Variants in RGS7 observed in about 807,000 individuals in gnomAD.
RGS7 encodes regulator of G protein signaling 7.
RGS7 carries 27 observed loss-of-function variants against 81.1 expected under a neutral mutation model. The ratio of observed to expected loss-of-function variants is 0.33; its 90% confidence interval spans 0.25 to 0.46. RGS7 has a LOEUF of 0.46. Ranked by LOEUF, RGS7 falls within the 20% of genes least tolerant of loss-of-function variation. The probability of loss-of-function intolerance (pLI) is 1.00; values close to 1 mark genes in which losing one functional copy is unlikely to be tolerated. For missense variants in RGS7, 396 were observed against 607.4 expected, an observed-to-expected ratio of 0.65 and a Z score of 3.66; for synonymous variants, 208 against 207.7, an observed-to-expected ratio of 1.00 and a Z score of -0.01.
At chr1:241,066,923 G>T (rs1481035369) in intron 3 of RGS7, among the ~76,000 whole-genome samples, 1 of 152,186 alleles carries the variant, frequency 6.6e-6, no homozygotes, top group Non-Finnish European at 1.5e-5. Flanking sequence ...ACTTATAGTG[G>T]AAAGAGAGGA....
chr1:241,133,704 A>G (rs1036266018), intron 2 of RGS7, among the ~76,000 whole-genome samples: 1 of 152,182 alleles, frequency 6.6e-6, no homozygotes, highest in Non-Finnish European at 1.5e-5. Flanking sequence ...CACAGTAGCA[A>G]CAAGCAAATT....
At chr1:240,943,905 T>A (rs1678029016) in intron 4 of RGS7, among the ~76,000 whole-genome samples, 1 of 151,982 alleles carries the variant, frequency 6.6e-6, no homozygotes, top group African/African-American at 2.4e-5. Flanking sequence ...GCAATCAGAA[T>A]GGGAGATGAA....
chr1:241,253,164 T>C (rs2076910982), intron 2 of RGS7, among the ~76,000 whole-genome samples: 1 of 152,222 alleles, frequency 6.6e-6, no homozygotes, highest in South Asian at 2.1e-4. Context: ...CACATAATAC[T>C]GTTGACAGAT....
intron 2 of RGS7, among the ~76,000 whole-genome samples, chr1:241,156,132 TGATA>T (rs72097170): frequency 0.32 from 47,288 of 146,832 alleles, 9,010 homozygotes; most frequent in South Asian, 0.43. Flanking sequence ...AGATAAATGA[TGATA>T]GATAGATAGA....
chr1:241,259,516 G>C (rs2077205370), intron 2 of RGS7, among the ~76,000 whole-genome samples: 1 of 151,000 alleles, frequency 6.6e-6, no homozygotes, highest in Admixed American at 6.6e-5. Flanking sequence ...CAAGCGTGGT[G>C]GTGCATGCCT....
intron 2 of RGS7, among the ~76,000 whole-genome samples, chr1:241,260,396 A>G (rs1332712495): frequency 6.6e-6 from 1 of 152,158 alleles, no homozygotes; most frequent in Non-Finnish European, 1.5e-5. Context: ...CATTTACTAT[A>G]TTGGGTATAT....
At chr1:241,183,276 T>C (rs10802930) in intron 2 of RGS7, among the ~76,000 whole-genome samples, 46,925 of 152,150 alleles carry the variant, frequency 0.31, 8,057 homozygotes, top group East Asian at 0.41. Flanking sequence ...GCATAAATGA[T>C]TGCAGTATGA....
chr1:240,879,091 T>G (rs1468867947), intron 6 of RGS7, among the ~76,000 whole-genome samples: 1 of 152,198 alleles, frequency 6.6e-6, no homozygotes, highest in Non-Finnish European at 1.5e-5. Context: ...TATTCCTACC[T>G]TCATTCCAGA....
intron 2 of RGS7, among the ~76,000 whole-genome samples, chr1:241,212,888 G>A (rs978345650): frequency 2.6e-5 from 4 of 152,126 alleles, no homozygotes; most frequent in Non-Finnish European, 4.4e-5. Flanking sequence ...CCACAGCTCC[G>A]GTTAGATGAT....
chr1:240,926,443 T>C lies in RGS7; in HGVS notation c.385+4274A>G, dbSNP rs1158733246. On this transcript the variant is annotated intron_variant, in intron 6 of 18. Transcript: ENST00000440928. ...TTTGTTGACTTGGCCAAAGATCATA[T>C]GGTTATAGATGTGCGGCTTTACTTT... Among the ~76,000 whole-genome samples the C allele has an allele frequency of 2.0e-5, 3 of 152,210 alleles. No homozygotes were observed. In the South Asian group the frequency reaches 6.2e-4, roughly 31 times the overall value.
chr1:241,086,209 C>G (rs2148910193), intron 3 of RGS7, among the ~76,000 whole-genome samples: 1 of 152,300 alleles, frequency 6.6e-6, no homozygotes, highest in East Asian at 1.9e-4. Context: ...TCTGGTTGTT[C>G]TACATACGTT....
chr1:241,030,371 TATAC>T (rs945461706), intron 3 of RGS7, among the ~76,000 whole-genome samples: 1 of 125,906 alleles, frequency 7.9e-6, no homozygotes, highest in Admixed American at 7.9e-5. Context: ...CATATATATA[TATAC>T]ATACACACAT....
intron 3 of RGS7, among the ~76,000 whole-genome samples, chr1:241,051,313 G>A (rs1046911323): frequency 6.6e-6 from 1 of 152,052 alleles, no homozygotes; most frequent in Non-Finnish European, 1.5e-5. Flanking sequence ...CATTTTGGAG[G>A]GCTGTTATTC....
chr1:240,931,724 T>A (rs1675473847), intron 5 of RGS7, among the ~76,000 whole-genome samples: 1 of 152,202 alleles, frequency 6.6e-6, no homozygotes, highest in Non-Finnish European at 1.5e-5. Flanking sequence ...AATTGAGTGA[T>A]ACAATCTGCA....
intron 4 of RGS7, among the ~76,000 whole-genome samples, chr1:240,954,557 A>AT (rs1488344517): frequency 5.4e-5 from 2 of 36,716 alleles, no homozygotes; most frequent in African/African-American, 1.3e-4. Flanking sequence ...TCCATGTAAA[A>AT]GAAAAAAAAA....
At chr1:241,285,094 T>A (rs544706343) in intron 2 of RGS7, among the ~76,000 whole-genome samples, 1 of 152,186 alleles carries the variant, frequency 6.6e-6, no homozygotes, top group Admixed American at 6.5e-5. Flanking sequence ...ATGGTCTCGA[T>A]CTCCTGACTT....
At chr1:241,120,350 T>G (rs2066165307) in intron 2 of RGS7, among the ~76,000 whole-genome samples, 1 of 152,174 alleles carries the variant, frequency 6.6e-6, no homozygotes, top group Admixed American at 6.5e-5. Flanking sequence ...TTTGTAATTT[T>G]TTTTGTTTTG....
At chr1:240,906,801 C>CA in intron 6 of RGS7, among the ~76,000 whole-genome samples, 1 of 152,220 alleles carries the variant, frequency 6.6e-6, no homozygotes, top group Non-Finnish European at 1.5e-5. Context: ...TCAAACCTAG[C>CA]AAAAAAGCAT....
intron 2 of RGS7, among the ~76,000 whole-genome samples, chr1:241,256,067 T>A (rs1273317004): frequency 6.6e-6 from 1 of 152,228 alleles, no homozygotes; most frequent in Non-Finnish European, 1.5e-5. Context: ...TTTCAAGATC[T>A]TTTAAGATAC....
Sources: allele counts gnomAD v4.1 joint callset (sites outside exome capture counted in the v4.1 genomes callset), GRCh38; gene constraint gnomAD v4.1.1; transcripts MANE v1.5; gene names NCBI Gene and HGNC (gene_info 2026-07-23, HGNC 2026-07-21).